The following MRAS variants were observed in gnomAD, a reference collection of about 807,000 sequenced individuals.
MRAS encodes ras-related protein M-Ras.
Under a neutral mutation model 20.9 loss-of-function variants are expected in MRAS, and 4 were observed. That is an observed-to-expected ratio of 0.19 (90% CI 0.09 to 0.44). The LOEUF is 0.44. MRAS is among the 20% of genes least tolerant of loss of function. MRAS has a pLI of 0.99. For missense variants in MRAS, 154 were observed against 277.5 expected, an observed-to-expected ratio of 0.56 and a Z score of 3.16; for synonymous variants, 98 against 102.9, an observed-to-expected ratio of 0.95 and a Z score of 0.29.
At chr3:138,373,939 T>C (rs2054727914) in intron 2 of MRAS, among the ~76,000 whole-genome samples, 2 of 151,946 alleles carry the variant, frequency 1.3e-5, no homozygotes, top group Middle Eastern at 6.8e-3. Context: ...GTCAGTTTTA[T>C]TTGTAGGTTT....
intron 2 of MRAS, among the ~76,000 whole-genome samples, chr3:138,394,148 C>T (rs950856627): frequency 6.6e-6 from 1 of 151,682 alleles, no homozygotes; most frequent in Non-Finnish European, 1.5e-5. Context: ...AGTCTTCCTG[C>T]TCCCTCCTGG....
At chr3:138,388,350 G>T (rs1393716444) in intron 2 of MRAS, among the ~76,000 whole-genome samples, 2 of 152,068 alleles carry the variant, frequency 1.3e-5, no homozygotes, top group African/African-American at 4.8e-5. Flanking sequence ...TGTAAAATGG[G>T]CATAATCATT....
chr3:138,357,570 C>A (rs923966401), intron 1 of MRAS, among the ~76,000 whole-genome samples: 4 of 152,250 alleles, frequency 2.6e-5, no homozygotes, highest in Non-Finnish European at 4.4e-5. Flanking sequence ...TGTAGAAATT[C>A]TCTGAGGGTT....
intron 2 of MRAS, among the ~76,000 whole-genome samples, chr3:138,382,233 A>C (rs923116228): frequency 1.3e-5 from 2 of 152,200 alleles, no homozygotes; most frequent in Non-Finnish European, 2.9e-5. Flanking sequence ...ACTGATCTCC[A>C]TGGTGCCCAG....
chr3:138,383,903 C>T (rs982951102), intron 2 of MRAS, among the ~76,000 whole-genome samples: 40 of 152,102 alleles, frequency 2.6e-4, no homozygotes, highest in Non-Finnish European at 1.0e-4. Context: ...GAAGTGGTTA[C>T]GGTCTTGTGT....
intron 1 of MRAS, among the ~76,000 whole-genome samples, chr3:138,362,195 C>T (rs1036755764): frequency 1.3e-5 from 2 of 152,192 alleles, no homozygotes; most frequent in East Asian, 1.9e-4. Context: ...CACTGAGGCC[C>T]TTACCAACTC....
chr3:138,377,457 A>T (rs1288209340), intron 2 of MRAS, among the ~76,000 whole-genome samples: 1 of 152,218 alleles, frequency 6.6e-6, no homozygotes, highest in Non-Finnish European at 1.5e-5. Context: ...ATACAAAAAA[A>T]ATTAGCCAGG....
In MRAS at chr3:138,402,043, C is replaced by A. The variant is rs2055371412; in HGVS notation, c.528-127C>A. On this transcript the variant is annotated intron_variant, in intron 5 of 5. Coordinates refer to ENST00000423968, the MANE Select transcript of MRAS (RefSeq NM_001085049.3). ...CTGGGAGAGGGATGGCATCCCCATCCCCCTCACCCACTAACCCCGCCAGAA... is the reference window on the plus strand; with the variant it reads ...CTGGGAGAGGGATGGCATCCCCATCACCCTCACCCACTAACCCCGCCAGAA... The A allele has an allele frequency of 4.9e-6, 4 of 817,336 alleles. No individual in the cohort carries two copies. The Admixed American group carries it at 8.0e-5, about 16-fold the overall frequency. 50.6% of individuals were successfully genotyped at this position (817,336 alleles called of 1,614,324 possible). A position where few individuals can be genotyped will look rare whatever the true frequency, so the allele number is the denominator to read the frequency against.
intron 1 of MRAS, among the ~76,000 whole-genome samples, chr3:138,359,434 G>T (rs1387549632): frequency 6.6e-6 from 1 of 152,098 alleles, no homozygotes; most frequent in East Asian, 1.9e-4. Flanking sequence ...CTGCAGTCTG[G>T]TTACTCTTTA....
chr3:138,370,190 G>A (rs2054646053), intron 1 of MRAS, among the ~76,000 whole-genome samples: 1 of 152,034 alleles, frequency 6.6e-6, no homozygotes, highest in African/African-American at 2.4e-5. Context: ...ATGGTGGTGG[G>A]CGCCTGTAAT....
intron 1 of MRAS, among the ~76,000 whole-genome samples, chr3:138,366,075 C>T (rs368313251): frequency 2.0e-5 from 3 of 152,138 alleles, no homozygotes; most frequent in African/African-American, 4.8e-5. Context: ...GAGAGTGAAG[C>T]CTTAAGGGAT....
In MRAS at chr3:138,403,579, C is replaced by T. The variant is rs938275584; in HGVS notation, c.*1310C>T. On this transcript the variant is annotated 3_prime_UTR_variant, in exon 6 of 6. Transcript: ENST00000423968. ...AGGAAGGCTGGGCTGATGTGTGGCTCTCATATACCTTCTGCAAGGGGGCAG... is the reference window on the plus strand; with the variant it reads ...AGGAAGGCTGGGCTGATGTGTGGCTTTCATATACCTTCTGCAAGGGGGCAG... 6.6e-6 allele frequency: 1 copy of T among 152,594 alleles called. No homozygotes were observed. Among genetic ancestry groups the T allele is most frequent in the Non-Finnish European group, 1.5e-5 (1 of 68,038 alleles). The allele number at this position is 152,594 out of a possible 1,614,324, so 9.5% of individuals were successfully genotyped here. A position where few individuals can be genotyped will look rare whatever the true frequency, so the allele number is the denominator to read the frequency against.
rs151157043 is a variant in MRAS at position 138,392,391 on chromosome 3, A to G, written c.194-4933A>G. Among the ~76,000 whole-genome samples, 220 of 152,302 alleles carry G rather than the reference A, an allele frequency of 1.4e-3. 1 individual carries two copies. Among genetic ancestry groups the G allele is most frequent in the African/African-American group, 5.2e-3 (215 of 41,564 alleles). Reference sequence around the variant, plus strand: ...CCCAGCCAAGTATTTAAATTTTGTTATTTAATGACAGGACATTGCTTTTGG... The same window carrying G: ...CCCAGCCAAGTATTTAAATTTTGTTGTTTAATGACAGGACATTGCTTTTGG... On this transcript the variant is annotated intron_variant, in intron 2 of 5. Coordinates refer to ENST00000423968, the MANE Select transcript of MRAS (RefSeq NM_001085049.3).
rs148523509 is a variant in MRAS, at chr3:138,361,281, G to T, written c.-18-11585G>T. Among the ~76,000 whole-genome samples the T allele has an allele frequency of 4.8e-4, 73 of 152,318 alleles. 1 individual carries two copies. Among genetic ancestry groups the T allele is most frequent in the Middle Eastern group, 3.4e-3 (1 of 294 alleles). On this transcript the variant is annotated intron_variant, in intron 1 of 5. Coordinates refer to ENST00000423968, the MANE Select transcript of MRAS (RefSeq NM_001085049.3). Reference sequence around the variant, plus strand: ...GCGAGGGGAAGGGGGCACTTGGGCAGCTCAAGAAAGGCCTAGAATGTTGTG... The same window carrying T: ...GCGAGGGGAAGGGGGCACTTGGGCATCTCAAGAAAGGCCTAGAATGTTGTG...
chr3:138,398,681 C>T lies in MRAS; in HGVS notation c.447+113C>T, dbSNP rs991235829. The T allele has an allele frequency of 1.7e-5, 15 of 908,394 alleles. No homozygotes were observed. In the African/African-American group the frequency reaches 2.1e-4, roughly 13 times the overall value. 56.3% of individuals were successfully genotyped at this position (908,394 alleles called of 1,614,324 possible). ...AAACTACTGTTTATTGAAGGGCTCC[C>T]CTTAGTTTAAGTCTTGTTGCTACTG... On this transcript the variant is annotated intron_variant, in intron 4 of 5. Transcript: ENST00000423968.
rs1032133988 is a variant in MRAS, at chr3:138,402,046, C to T, written c.528-124C>T. On this transcript the variant is annotated intron_variant, in intron 5 of 5. Transcript: ENST00000423968. Reference sequence around the variant, plus strand: ...GGAGAGGGATGGCATCCCCATCCCCCTCACCCACTAACCCCGCCAGAACAG... The same window carrying T: ...GGAGAGGGATGGCATCCCCATCCCCTTCACCCACTAACCCCGCCAGAACAG... The T allele has an allele frequency of 1.3e-5, 11 of 864,332 alleles. No homozygotes were observed. The South Asian group carries it at 1.6e-4, about 12-fold the overall frequency. The allele number at this position is 864,332 out of a possible 1,614,324, so 53.5% of individuals were successfully genotyped here.
At chr3:138,394,004 C>T (rs115031090) in intron 2 of MRAS, among the ~76,000 whole-genome samples, 2,774 of 152,060 alleles carry the variant, frequency 0.018, 44 homozygotes, top group South Asian at 0.061. Flanking sequence ...TTCTGCTTTT[C>T]GATTCAGGCC....
At chr3:138,379,737 C>T (rs2054861124) in intron 2 of MRAS, among the ~76,000 whole-genome samples, 1 of 152,162 alleles carries the variant, frequency 6.6e-6, no homozygotes, top group African/African-American at 2.4e-5. Context: ...TTGAAAGGCA[C>T]TTAGGTTGCT....
At chr3:138,395,360 A>T (rs533343488) in intron 2 of MRAS, among the ~76,000 whole-genome samples, 1 of 152,058 alleles carries the variant, frequency 6.6e-6, no homozygotes, top group African/African-American at 2.4e-5. Flanking sequence ...CTTTTGCCCA[A>T]ACTCTCCAGT....
Sources: allele counts gnomAD v4.1 joint callset (sites outside exome capture counted in the v4.1 genomes callset), GRCh38; gene constraint gnomAD v4.1.1; transcripts MANE v1.5; gene names NCBI Gene and HGNC (gene_info 2026-07-23, HGNC 2026-07-21).